The following KIF24 variants were observed in gnomAD, a reference collection of about 807,000 sequenced individuals.
KIF24 encodes the protein kinesin family member 24, also known as kinesin-like protein KIF24.
KIF24 carries 81 observed loss-of-function variants against 118.9 expected under a neutral mutation model. That is an observed-to-expected ratio of 0.68 (90% CI 0.57 to 0.82). The LOEUF (loss-of-function observed/expected upper bound fraction) is 0.82, where lower values mean the gene tolerates loss of function less well. Ranked by LOEUF, KIF24 falls within the 40% of genes least tolerant of loss-of-function variation. KIF24 has a pLI of 0.00. For synonymous variants in KIF24, 599 were observed against 610.0 expected, an observed-to-expected ratio of 0.98 and a Z score of 0.27; for missense variants, 1,560 against 1,661.6, an observed-to-expected ratio of 0.94 and a Z score of 1.06.
intron 7 of KIF24, among the ~76,000 whole-genome samples, 165 bp downstream of exon 7, chr9:34,271,644 T>C (rs1363365588): frequency 6.6e-6 from 1 of 152,228 alleles, no homozygotes; most frequent in Non-Finnish European, 1.5e-5. Context: ...TAATCAACTG[T>C]TGACACTTTA....
In KIF24 at chr9:34,321,645, C is replaced by T. The variant is rs939672747; in HGVS notation, c.-26+7461G>A. ...TTTTAGAGAAAGCGTCTCACTCTGTCGCCCAGGCTGGAGTACAGTGGTGCA... is the reference window on the plus strand; with the variant it reads ...TTTTAGAGAAAGCGTCTCACTCTGTTGCCCAGGCTGGAGTACAGTGGTGCA... On this transcript the variant is annotated intron_variant, in intron 1 of 12. Transcript: ENST00000402558. 1.1e-4 allele frequency among the ~76,000 whole-genome samples: 15 copies of T among 142,074 alleles called. No individual in the cohort carries two copies. In the South Asian group the frequency reaches 1.6e-3, roughly 15 times the overall value. 93.2% of individuals were successfully genotyped at this position (142,074 alleles called of 152,430 possible).
At chr9:34,315,060 G>A (rs1478632354) in intron 1 of KIF24, among the ~76,000 whole-genome samples, 2 of 152,114 alleles carry the variant, frequency 1.3e-5, no homozygotes, top group Non-Finnish European at 2.9e-5. Flanking sequence ...TTATGGGAAG[G>A]AAACTACTGT....
chr9:34,305,657 G>A (rs1836884841), intron 3 of KIF24, among the ~76,000 whole-genome samples: 1 of 152,192 alleles, frequency 6.6e-6, no homozygotes, highest in African/African-American at 2.4e-5. Context: ...AGGCTGGAGT[G>A]CAGTGGTGCA....
chr9:34,310,019 T>C (rs1301636157), intron 2 of KIF24, among the ~76,000 whole-genome samples: 2 of 151,766 alleles, frequency 1.3e-5, no homozygotes, highest in East Asian at 1.9e-4. Flanking sequence ...TATTATACCA[T>C]TGTTAGTACT....
chr9:34,298,419 G>A (rs897619606), intron 3 of KIF24, among the ~76,000 whole-genome samples: 6 of 151,964 alleles, frequency 3.9e-5, no homozygotes, highest in East Asian at 3.9e-4. Flanking sequence ...GGTGGTGGGC[G>A]CCTGTAATCC....
intron 4 of KIF24, among the ~76,000 whole-genome samples, chr9:34,292,566 G>A (rs1358987646): frequency 6.6e-6 from 1 of 152,188 alleles, no homozygotes. Context: ...GGGGAGGCTG[G>A]AGGTGGGCAG....
chr9:34,269,406 T>G, intron 7 of KIF24, 44 bp from the exon 8 acceptor site: 1 of 847,142 alleles, frequency 1.2e-6, no homozygotes, highest in Non-Finnish European at 1.8e-6. Flanking sequence ...GAAGCTTTAT[T>G]TTATTTTATT....
rs1834869077 is a variant in KIF24 at position 34,256,897 on chromosome 9, C to T, written c.2710G>A (p.Ala904Thr). ...DSRDPINHRR[A>T]ALDHSCSPSK... ...GGGCTGCAGCTGTGATCGAGTGCTG[C>T]TCTTCTGTGGTTTATGGGGTCCCTG... Residue 904 changes from alanine to threonine, a missense_variant, in exon 11 of 13, where the codon GCA (alanine) becomes ACA (threonine). Transcript: ENST00000402558. 6.2e-7 allele frequency: 1 copy of T among 1,614,020 alleles called. No individual in the cohort carries two copies.
rs144995838 is a variant in KIF24, at chr9:34,257,027, C to A, written c.2580G>T (p.Thr860=). Reference sequence around the variant, plus strand: ...CCTGCTTCTCAGGACCCTGTCCCCACGTCTGGTGCAGGAAGAATGAGTCTT... The same window carrying A: ...CCTGCTTCTCAGGACCCTGTCCCCAAGTCTGGTGCAGGAAGAATGAGTCTT... ...NSEDSFFLHQ[T]WGQGPEKQVA... The change falls in exon 11 of 13, where the codon ACG becomes ACT. Residue 860 remains threonine, a synonymous_variant. Transcript: ENST00000402558. 3 of 1,614,020 alleles carry A rather than the reference C, an allele frequency of 1.9e-6. No homozygotes were observed. Among genetic ancestry groups the A allele is most frequent in the East Asian group, 2.2e-5 (1 of 44,892 alleles).
At chr9:34,280,802 T>G (rs2131728308) in intron 6 of KIF24, among the ~76,000 whole-genome samples, 1 of 152,246 alleles carries the variant, frequency 6.6e-6, no homozygotes, top group Non-Finnish European at 1.5e-5. Flanking sequence ...AACTACAGTA[T>G]TTGTCTCAGG....
intron 1 of KIF24, among the ~76,000 whole-genome samples, chr9:34,317,940 A>G (rs1837381610): frequency 1.3e-5 from 2 of 152,190 alleles, no homozygotes; most frequent in Admixed American, 1.3e-4. Flanking sequence ...CTTGGAATAT[A>G]TCCTCCTTGA....
chr9:34,326,667 C>T (rs1428041039), intron 1 of KIF24, among the ~76,000 whole-genome samples: 3 of 152,088 alleles, frequency 2.0e-5, no homozygotes, highest in South Asian at 2.1e-4. Context: ...CCATCAAACA[C>T]GGACAGGTTG....
chr9:34,299,004 G>C (rs1836590284), intron 3 of KIF24, among the ~76,000 whole-genome samples: 1 of 151,928 alleles, frequency 6.6e-6, no homozygotes, highest in South Asian at 2.1e-4. Context: ...CCATAATTTA[G>C]GGGCTTACCA....
At chr9:34,330,825 G>T (rs1463895611), upstream of KIF24, among the ~76,000 whole-genome samples, 2 of 152,078 alleles carry the variant, frequency 1.3e-5, no homozygotes, top group African/African-American at 4.8e-5. Context: ...GCCGGGCGTG[G>T]TGGCGGGCGC....
chr9:34,312,626 G>A (rs1019729067), intron 1 of KIF24, among the ~76,000 whole-genome samples: 3 of 152,196 alleles, frequency 2.0e-5, no homozygotes, highest in African/African-American at 4.8e-5. Flanking sequence ...AGCTTTGGGG[G>A]AAATACTACT....
At chr9:34,294,396 A>C (rs909796579) in intron 4 of KIF24, among the ~76,000 whole-genome samples, 18 of 152,196 alleles carry the variant, frequency 1.2e-4, no homozygotes, top group African/African-American at 4.1e-4. Flanking sequence ...TCTCTACTAA[A>C]AAATAAAAAA....
intron 6 of KIF24, among the ~76,000 whole-genome samples, chr9:34,285,024 A>C (rs1835984659): frequency 6.7e-6 from 1 of 148,940 alleles, no homozygotes; most frequent in African/African-American, 2.6e-5. Context: ...CAGAACAGGA[A>C]AAAAAAATTA....
intron 3 of KIF24, among the ~76,000 whole-genome samples, chr9:34,301,865 A>G (rs530643425): frequency 1.8e-4 from 28 of 152,258 alleles, no homozygotes; most frequent in Admixed American, 1.8e-3. Context: ...AAATTACAAT[A>G]GAGAACAAAA....
chr9:34,328,473 G>A (rs1319619142), intron 1 of KIF24, among the ~76,000 whole-genome samples: 1 of 152,164 alleles, frequency 6.6e-6, no homozygotes, highest in Non-Finnish European at 1.5e-5. Context: ...AAAAAGTTTA[G>A]CCTTTCACAA....
Sources: gnomAD v4.1 joint callset for allele counts (sites outside exome capture counted in the v4.1 genomes callset) on GRCh38, gnomAD v4.1.1 for gene constraint, MANE v1.5 for transcripts, NCBI Gene and HGNC (gene_info 2026-07-23, HGNC 2026-07-21) for gene names.